STXBP5: variants seen among roughly 807,000 people sequenced by gnomAD.
STXBP5 encodes the protein syntaxin binding protein 5, also known as syntaxin-binding protein 5.
A neutral mutation model predicts 152.4 loss-of-function variants in STXBP5; 50 were observed. That is an observed-to-expected ratio of 0.33 (90% CI 0.26 to 0.42). The LOEUF is 0.42. STXBP5 is among the 10% of genes least tolerant of loss of function. STXBP5 has a pLI of 1.00. For synonymous variants in STXBP5, 492 were observed against 494.7 expected (o/e 0.99, Z 0.07); for missense variants, 1,167 against 1,388.6 (o/e 0.84, Z 2.54).
intron 18 of STXBP5, 22 bp from the exon 19 acceptor site, chr6:147,334,131 ATTTG>A: frequency 6.2e-7 from 1 of 1,606,656 alleles, no homozygotes; most frequent in Non-Finnish European, 8.5e-7. Context: ...GTATGGGTTG[ATTTG>A]TTTTTTGTTT....
intron 4 of STXBP5, 112 bp from the exon 5 acceptor site, chr6:147,260,503 T>A: frequency 8.6e-7 from 1 of 1,165,304 alleles, no homozygotes; most frequent in Non-Finnish European, 1.2e-6. Context: ...ATCTGATGAT[T>A]ATATACCAGT....
chr6:147,316,894 A>G (rs895216970), intron 16 of STXBP5, among the ~76,000 whole-genome samples: 8 of 152,208 alleles, frequency 5.3e-5, no homozygotes, highest in East Asian at 1.9e-4. Flanking sequence ...TCTTGCTTTT[A>G]TACAGAGATA....
At chr6:147,365,763 C>T (rs1785262886) in intron 25 of STXBP5, among the ~76,000 whole-genome samples, 1 of 152,142 alleles carries the variant, frequency 6.6e-6, no homozygotes, top group Admixed American at 6.5e-5. Context: ...CTATGATGAA[C>T]TTGATAAACA....
chr6:147,247,659 G>T (rs554989492), intron 4 of STXBP5, among the ~76,000 whole-genome samples: 1 of 152,052 alleles, frequency 6.6e-6, no homozygotes, highest in South Asian at 2.1e-4. Flanking sequence ...CCTTTTCCTT[G>T]TCAGAATTTC....
At chr6:147,312,651 C>G (rs1782443808) in intron 11 of STXBP5, among the ~76,000 whole-genome samples, 1 of 152,120 alleles carries the variant, frequency 6.6e-6, no homozygotes, top group African/African-American at 2.4e-5. Context: ...GTGAATAGTA[C>G]TGAGGTTGGG....
At chr6:147,277,957 A>C (rs1780525582) in intron 7 of STXBP5, 124 bp from the exon 8 acceptor site, 1 of 807,328 alleles carries the variant, frequency 1.2e-6, no homozygotes. Flanking sequence ...TGGAAATGTT[A>C]AGTTCACATG....
intron 18 of STXBP5, among the ~76,000 whole-genome samples, chr6:147,333,943 AT>A (rs1232249155): frequency 1.2e-4 from 18 of 152,148 alleles, no homozygotes; most frequent in African/African-American, 4.3e-4. Flanking sequence ...TTATATTTTT[AT>A]TTGTTTTAAC....
chr6:147,257,510 A>G (rs1413494836), intron 4 of STXBP5, among the ~76,000 whole-genome samples: 1 of 152,028 alleles, frequency 6.6e-6, no homozygotes, highest in Non-Finnish European at 1.5e-5. Context: ...GTCTCTTGAT[A>G]TTAGTAAAAG....
At chr6:147,297,580 G>C (rs1236223548) in intron 9 of STXBP5, among the ~76,000 whole-genome samples, 1 of 152,082 alleles carries the variant, frequency 6.6e-6, no homozygotes, top group Non-Finnish European at 1.5e-5. Flanking sequence ...TGATGATGCT[G>C]TGTAAATCTT....
intron 19 of STXBP5, among the ~76,000 whole-genome samples, chr6:147,336,549 C>T (rs1025303374): frequency 2.0e-5 from 3 of 151,386 alleles, no homozygotes; most frequent in African/African-American, 7.3e-5. Flanking sequence ...ATCAAAAGAA[C>T]CACAAGGGGA....
chr6:147,274,418 G>A (rs2786185), intron 7 of STXBP5, among the ~76,000 whole-genome samples: 75,273 of 151,986 alleles, frequency 0.5, 18,875 homozygotes, highest in East Asian at 0.72. Flanking sequence ...TAAATCATTT[G>A]ATGTCCAATG....
chr6:147,223,699 G>C (rs149797148), intron 2 of STXBP5, among the ~76,000 whole-genome samples: 93 of 152,268 alleles, frequency 6.1e-4, no homozygotes, highest in African/African-American at 2.1e-3. Context: ...TAGAGCTTCT[G>C]ATTCAGTGAG....
intron 16 of STXBP5, among the ~76,000 whole-genome samples, chr6:147,322,905 A>T (rs1241117616): frequency 1.3e-5 from 2 of 152,160 alleles, no homozygotes; most frequent in African/African-American, 4.8e-5. Flanking sequence ...CCTTTCTAAA[A>T]TCCTAATGAC....
At position 147,262,317 on chromosome 6, in the gene STXBP5, G is replaced by T; in HGVS notation, c.594G>T (p.Val198=). 1 of 1,552,512 alleles carries T rather than the reference G, an allele frequency of 6.4e-7. No homozygotes were observed. The highest frequency in any genetic ancestry group is 8.7e-7 in the Non-Finnish European group (1 of 1,155,230). The stretch of plus-strand genomic sequence containing the variant: ...CATCTAAATCTCACCCAGGACCTGT[G>T]GTCCATATAAGTGATAATCCAATGG... ...ELSSKSHPGP[V]VHISDNPMDE... is the part of the protein sequence containing the mutation. The change falls in exon 6 of 28, where the codon GTG becomes GTT. Residue 198 remains valine (V), a synonymous_variant. Coordinates refer to ENST00000321680, the MANE Select transcript of STXBP5 (RefSeq NM_001127715.4).
intron 9 of STXBP5, among the ~76,000 whole-genome samples, chr6:147,307,923 G>A (rs1283053062): frequency 6.6e-6 from 1 of 152,054 alleles, no homozygotes; most frequent in Non-Finnish European, 1.5e-5. Context: ...TCACCTACCC[G>A]GTTTGATCTC....
At chr6:147,366,614 G>A (rs1289146586) in intron 25 of STXBP5, among the ~76,000 whole-genome samples, 1 of 152,168 alleles carries the variant, frequency 6.6e-6, no homozygotes, top group Non-Finnish European at 1.5e-5. Flanking sequence ...TCTTCTGGGT[G>A]TCAAATCTAC....
At chr6:147,235,610 G>A (rs1240631018) in intron 3 of STXBP5, among the ~76,000 whole-genome samples, 9 of 152,098 alleles carry the variant, frequency 5.9e-5, no homozygotes, top group Admixed American at 5.9e-4. Context: ...ATTGAATACT[G>A]TGTAACATAG....
rs757845593 is a variant in STXBP5 at position 147,314,252 on chromosome 6, C to CT, written c.1294-5dup. ...CTTGCAAGTTGCTTTATACAGTCATCTTTTTTTATAGGAATGGCCCATCAA... is the reference window on the plus strand; with the variant it reads ...CTTGCAAGTTGCTTTATACAGTCATCTTTTTTTTATAGGAATGGCCCATCAA... On this transcript the variant is annotated splice_polypyrimidine_tract_variant and intron_variant, in intron 12 of 27. Coordinates refer to ENST00000321680, the MANE Select transcript of STXBP5 (RefSeq NM_001127715.4). 1.5e-5 allele frequency: 24 copies of CT among 1,605,192 alleles called. No individual in the cohort carries two copies. The African/African-American group carries it at 2.7e-4, about 18-fold the overall frequency.
At chr6:147,227,787 A>G (rs1391562010) in intron 2 of STXBP5, among the ~76,000 whole-genome samples, 2 of 152,176 alleles carry the variant, frequency 1.3e-5, no homozygotes, top group Non-Finnish European at 2.9e-5. Context: ...AAATGGGTGA[A>G]CAGTACGTAT....
Sources: gnomAD v4.1 joint callset for allele counts (sites outside exome capture counted in the v4.1 genomes callset) on GRCh38, gnomAD v4.1.1 for gene constraint, MANE v1.5 for transcripts, NCBI Gene and HGNC (gene_info 2026-07-23, HGNC 2026-07-21) for gene names.